Variants in ANK3 observed in about 807,000 individuals in gnomAD.
ANK3 encodes ankyrin 3.
Under a neutral mutation model 370.9 loss-of-function variants are expected in ANK3, and 57 were observed. The observed-to-expected ratio is 0.15, with a 90% confidence interval of 0.12 to 0.19. The LOEUF (loss-of-function observed/expected upper bound fraction) is 0.19, where lower values mean the gene tolerates loss of function less well. Ranked by LOEUF, ANK3 falls within the 10% of genes least tolerant of loss-of-function variation. ANK3 has a pLI of 1.00. For synonymous variants in ANK3, 1,929 were observed against 1,946.3 expected, an observed-to-expected ratio of 0.99 and a Z score of 0.23; for missense variants, 4,439 against 5,302.1, an observed-to-expected ratio of 0.84 and a Z score of 5.06.
intron 27 of ANK3, chr10:60,108,077 A>G: frequency 3.5e-6 from 1 of 282,994 alleles, no homozygotes; most frequent in South Asian, 2.9e-5. Context: ...AAAACTTAAA[A>G]AATAAAAATA....
Position 60,474,513 on chromosome 10 carries a change from T to G in ANK3, c.96+140673A>C, listed in dbSNP as rs181085587. ...GGGTTGAATCAAAGGAAAAACAAAT[T>G]TCCCAGCTTATATTAAAAACTTAAA... On this transcript the variant is annotated intron_variant, in intron 2 of 43. Transcript: ENST00000373827. 4.6e-4 allele frequency among the ~76,000 whole-genome samples: 70 copies of G among 152,226 alleles called. 2 individuals carry two copies. The highest frequency in any genetic ancestry group is 4.6e-3 in the Admixed American group (70 of 15,290).
rs893174063 is a variant in ANK3 at position 60,435,836 on chromosome 10, A to G, written c.97-156197T>C. 7.2e-5 allele frequency among the ~76,000 whole-genome samples: 11 copies of G among 152,038 alleles called. No homozygotes were observed. In the South Asian group the frequency reaches 2.3e-3, roughly 32 times the overall value. ...TCTCATCGGCCGGGCGCGGTGGCTC[A>G]CGCCTGTAATCCCAGCACTTTGGGA... On this transcript the variant is annotated intron_variant, in intron 2 of 43. Transcript: ENST00000373827.
chr10:60,196,589 C>A lies in ANK3; in HGVS notation c.1726G>T (p.Gly576Ter). The A allele has an allele frequency of 6.2e-7, 1 of 1,609,892 alleles. No individual in the cohort carries two copies. The change falls in exon 15 of 44, where the codon GGA becomes TGA. Residue 576 changes from glycine (G) to a stop codon, truncating the protein, a stop_gained. Coordinates refer to ENST00000280772, the MANE Select transcript of ANK3 (RefSeq NM_020987.5). LOFTEE classifies it high-confidence loss of function. ...AGGAGATTGGCGACTTCAAGCTTTC[C>A]ATATTTTGCTGCCACATGAAGAGGA... ...FTPLHVAAKY[G>*]KLEVANLLLQ...
At chr10:60,726,005 G>A in intron 1 of ANK3, among the ~76,000 whole-genome samples, 1 of 152,120 alleles carries the variant, frequency 6.6e-6, no homozygotes, top group East Asian at 1.9e-4. Flanking sequence ...CAGCAAATAT[G>A]CACAAAGTTC....
intron 1 of ANK3, among the ~76,000 whole-genome samples, chr10:60,337,025 T>TA (rs375867763): frequency 0.043 from 4,910 of 113,590 alleles, 266 homozygotes; most frequent in African/African-American, 0.12. Flanking sequence ...GAAAAAGGCT[T>TA]TAAAAAAAAA....
chr10:60,075,596 G>A lies in ANK3; in HGVS notation c.5285C>T (p.Thr1762Ile), dbSNP rs934461337. The A allele has an allele frequency of 2.0e-5, 32 of 1,613,974 alleles. No individual in the cohort carries two copies. The highest frequency in any genetic ancestry group is 2.6e-5 in the Non-Finnish European group (31 of 1,180,004). The change falls in exon 37 of 44, where the codon ACA becomes ATA. Residue 1762 changes from threonine (T) to isoleucine (I), a missense_variant. Coordinates refer to ENST00000280772, the MANE Select transcript of ANK3 (RefSeq NM_020987.5). ...VSSVVSAATD[T>I]VEKVFSTTTA... ...CGTGGTAGAAAACACTTTCTCAACT[G>A]TGTCAGTGGCTGCACTGACCACAGA...
chr10:60,044,204 A>T (rs1228525930), intron 42 of ANK3: 123 of 984,092 alleles, frequency 1.2e-4, no homozygotes, highest in Non-Finnish European at 1.5e-4. Context: ...CAAAAGTAGC[A>T]GAGTTTTTAA....
At chr10:60,401,949 C>G (rs531708519) in intron 2 of ANK3, among the ~76,000 whole-genome samples, 1 of 152,326 alleles carries the variant, frequency 6.6e-6, no homozygotes, top group South Asian at 2.1e-4. Context: ...TGGAATTAAA[C>G]TGTATTTCTA....
intron 1 of ANK3, among the ~76,000 whole-genome samples, chr10:60,371,969 A>T (rs1594684613): frequency 6.6e-6 from 1 of 152,350 alleles, no homozygotes; most frequent in African/African-American, 2.4e-5. Flanking sequence ...TTTAGAATAT[A>T]ATTTCTAAGT....
intron 2 of ANK3, among the ~76,000 whole-genome samples, chr10:60,437,345 G>A (rs1184171109): frequency 6.6e-6 from 1 of 152,178 alleles, no homozygotes; most frequent in African/African-American, 2.4e-5. Flanking sequence ...TGACAGGTGG[G>A]AGAAAACAGC....
intron 2 of ANK3, among the ~76,000 whole-genome samples, chr10:60,477,508 G>GACATACACACACACACAC (rs1279888980): frequency 1.7e-5 from 2 of 116,474 alleles, no homozygotes; most frequent in Admixed American, 9.0e-5. Flanking sequence ...CTGACAGACA[G>GACATACACACACACACAC]ACAGACATAC....
intron 23 of ANK3, among the ~76,000 whole-genome samples, chr10:60,156,665 A>C (rs1485171158): frequency 1.3e-5 from 2 of 152,232 alleles, no homozygotes; most frequent in African/African-American, 4.8e-5. Context: ...TTATTTTCCC[A>C]AAATCTACCA....
intron 2 of ANK3, among the ~76,000 whole-genome samples, chr10:60,430,341 A>G (rs1191385178): frequency 2.0e-5 from 3 of 151,872 alleles, no homozygotes; most frequent in Non-Finnish European, 2.9e-5. Flanking sequence ...TAGTCCAAAG[A>G]CCAAACATTG....
intron 2 of ANK3, among the ~76,000 whole-genome samples, chr10:60,492,185 A>T (rs530369829): frequency 6.6e-5 from 10 of 152,328 alleles, no homozygotes; most frequent in African/African-American, 2.4e-4. Context: ...GTGTAAGGAC[A>T]TGTTGTGATG....
intron 1 of ANK3, among the ~76,000 whole-genome samples, chr10:60,632,889 AAAAAAAT>A (rs1272420765): frequency 4.1e-4 from 42 of 101,728 alleles, no homozygotes; most frequent in African/African-American, 1.4e-3. Flanking sequence ...CTTCAAAAAC[AAAAAAAT>A]AAAAAACAAA....
intron 25 of ANK3, among the ~76,000 whole-genome samples, chr10:60,119,205 C>T (rs1035170458): frequency 2.0e-5 from 3 of 152,210 alleles, no homozygotes; most frequent in Non-Finnish European, 2.9e-5. Context: ...AAACAAAATA[C>T]TCTTCCTATG....
At chr10:60,714,531 T>C (rs2079755068) in intron 1 of ANK3, among the ~76,000 whole-genome samples, 1 of 152,148 alleles carries the variant, frequency 6.6e-6, no homozygotes, top group Non-Finnish European at 1.5e-5. Flanking sequence ...TAATCGTACA[T>C]CTTGACCAAG....
intron 1 of ANK3, among the ~76,000 whole-genome samples, chr10:60,713,885 AG>A (rs1248104986): frequency 6.6e-6 from 1 of 152,064 alleles, no homozygotes; most frequent in African/African-American, 2.4e-5. Flanking sequence ...AAAAAGAAAA[AG>A]AAAAATTACA....
chr10:60,163,816 C>G (rs1262400998), intron 23 of ANK3, among the ~76,000 whole-genome samples: 3 of 152,002 alleles, frequency 2.0e-5, no homozygotes, highest in Non-Finnish European at 2.9e-5. Flanking sequence ...TTTCTTGAGA[C>G]AAACTGGCAG....
Sources: gnomAD v4.1 joint callset for allele counts (sites outside exome capture counted in the v4.1 genomes callset) on GRCh38, gnomAD v4.1.1 for gene constraint, MANE v1.5 for transcripts, NCBI Gene and HGNC (gene_info 2026-07-23, HGNC 2026-07-21) for gene names.